The following ZNF385B variants were observed in gnomAD, a reference collection of about 807,000 sequenced individuals.
The protein encoded by ZNF385B is zinc finger protein 385B, also known as zinc finger protein 533.
In ZNF385B, 23 loss-of-function variants were observed where a neutral mutation model predicts 39.2. The ratio of observed to expected loss-of-function variants is 0.59; its 90% CI spans 0.42 to 0.83. The LOEUF is 0.83. Ranked by LOEUF, ZNF385B falls within the 40% of genes least tolerant of loss-of-function variation. The pLI is 0.00. For missense variants in ZNF385B, 552 were observed against 598.9 expected (o/e 0.92, Z 0.82); for synonymous variants, 205 against 222.6 (o/e 0.92, Z 0.70).
chr2:179,846,729 G>T (rs894549565), intron 1 of ZNF385B, among the ~76,000 whole-genome samples: 6 of 152,222 alleles, frequency 3.9e-5, no homozygotes, highest in Admixed American at 6.5e-5. Context: ...ACCCCTGAAG[G>T]TTTAAAGTAG....
intron 1 of ZNF385B, among the ~76,000 whole-genome samples, chr2:179,796,052 AC>A (rs1230511387): frequency 2.6e-5 from 4 of 152,166 alleles, no homozygotes; most frequent in African/African-American, 9.7e-5. Context: ...AGAAAAATCC[AC>A]CCACAAAAAA....
chr2:179,565,070 T>C (rs1684399836), intron 3 of ZNF385B, among the ~76,000 whole-genome samples: 1 of 152,220 alleles, frequency 6.6e-6, no homozygotes, highest in Non-Finnish European at 1.5e-5. Context: ...TAGGTCCTTA[T>C]TAGCTGTTCA....
Position 179,443,397 on chromosome 2 carries a change from C to T in ZNF385B, c.1314G>A (p.Ala438=), listed in dbSNP as rs756014204. 8 of 1,611,818 alleles carry T rather than the reference C, an allele frequency of 5.0e-6. No individual in the cohort carries two copies. The highest frequency in any genetic ancestry group is 4.4e-5 in the South Asian group (4 of 90,728). Residue 438 remains alanine, a synonymous_variant, in exon 10 of 10, where the codon GCG becomes GCA. Coordinates refer to ENST00000410066, the MANE Select transcript of ZNF385B (RefSeq NM_152520.6). ...ACAGCGCTGAGGACACGGCTGCCGC[C>T]GCTGCGAGAGGTGAGGACAGGAAGG... ...APAFLSSPLA[A]AAAVSSALSL...
At chr2:179,596,252 C>T (rs938988355) in intron 3 of ZNF385B, among the ~76,000 whole-genome samples, 1 of 152,150 alleles carries the variant, frequency 6.6e-6, no homozygotes, top group Admixed American at 6.5e-5. Flanking sequence ...GCTCTCAATT[C>T]TTTCCCCTGG....
At chr2:179,470,602 C>T (rs2052646690) in intron 6 of ZNF385B, among the ~76,000 whole-genome samples, 1 of 152,136 alleles carries the variant, frequency 6.6e-6, no homozygotes, top group Non-Finnish European at 1.5e-5. Flanking sequence ...CTTCTAGCCT[C>T]TCTCTCTGTG....
intron 3 of ZNF385B, among the ~76,000 whole-genome samples, chr2:179,753,609 C>T (rs189267094): frequency 2.0e-5 from 3 of 152,246 alleles, no homozygotes; most frequent in Admixed American, 6.5e-5. Context: ...TCTTTCATTT[C>T]GTTGAGCAGT....
At chr2:179,496,477 A>G (rs1187231194) in intron 5 of ZNF385B, among the ~76,000 whole-genome samples, 1 of 152,214 alleles carries the variant, frequency 6.6e-6, no homozygotes, top group Non-Finnish European at 1.5e-5. Context: ...AGATATCAAT[A>G]TACAAGTACA....
At chr2:179,823,025 G>A (rs1232016048) in intron 1 of ZNF385B, among the ~76,000 whole-genome samples, 1 of 152,222 alleles carries the variant, frequency 6.6e-6, no homozygotes, top group Non-Finnish European at 1.5e-5. Flanking sequence ...TCTTTTCGGA[G>A]GGGAGAAAAA....
At chr2:179,699,421 T>C (rs1699005514) in intron 3 of ZNF385B, among the ~76,000 whole-genome samples, 1 of 152,244 alleles carries the variant, frequency 6.6e-6, no homozygotes, top group Non-Finnish European at 1.5e-5. Flanking sequence ...TTTAACATAG[T>C]CATTTGTTGA....
intron 6 of ZNF385B, among the ~76,000 whole-genome samples, chr2:179,451,098 T>G: frequency 1.3e-5 from 1 of 77,826 alleles, no homozygotes; most frequent in African/African-American, 5.0e-5. Context: ...TGGGGACTGT[T>G]GTGAGGTGGG....
intron 1 of ZNF385B, among the ~76,000 whole-genome samples, chr2:179,788,552 T>C (rs1252418651): frequency 1.3e-5 from 2 of 152,124 alleles, no homozygotes; most frequent in Non-Finnish European, 2.9e-5. Context: ...GAAATGAACC[T>C]GCAAACTTTG....
chr2:179,621,943 A>G (rs1690251232), intron 3 of ZNF385B, among the ~76,000 whole-genome samples: 1 of 152,164 alleles, frequency 6.6e-6, no homozygotes. Context: ...GCATCTCTGA[A>G]TCTTGCAAAA....
intron 5 of ZNF385B, among the ~76,000 whole-genome samples, chr2:179,489,686 C>T (rs137880514): frequency 1.1e-3 from 175 of 152,230 alleles, no homozygotes; most frequent in South Asian, 3.7e-3. Context: ...CTCTCAGAGA[C>T]AAAGCTACAA....
chr2:179,756,441 G>C (rs150940485), intron 3 of ZNF385B, among the ~76,000 whole-genome samples: 20,499 of 151,844 alleles, frequency 0.14, 1,851 homozygotes, highest in East Asian at 0.48. Flanking sequence ...TTTGGTGAAT[G>C]TGACAATTAT....
At chr2:179,476,656 A>G (rs1032556305) in intron 6 of ZNF385B, among the ~76,000 whole-genome samples, 13 of 152,372 alleles carry the variant, frequency 8.5e-5, no homozygotes, top group South Asian at 2.1e-4. Context: ...ACATTTAACT[A>G]CTAAGAATCT....
chr2:179,445,532 T>C lies in ZNF385B; in HGVS notation c.1140+18A>G, dbSNP rs113798889. ...GGTGACCTAAAACAATAATGTTTAC[T>C]AATTCAGGATACGTTACCTGTTTGA... On this transcript the variant is annotated intron_variant, in intron 8 of 9. Coordinates refer to ENST00000410066, the MANE Select transcript of ZNF385B (RefSeq NM_152520.6). 6.2e-7 allele frequency: 1 copy of C among 1,600,176 alleles called. No individual in the cohort carries two copies. The highest frequency in any genetic ancestry group is 8.5e-7 in the Non-Finnish European group (1 of 1,173,630).
At chr2:179,761,739 T>C (rs1296610666) in intron 3 of ZNF385B, among the ~76,000 whole-genome samples, 1 of 148,512 alleles carries the variant, frequency 6.7e-6, no homozygotes, top group African/African-American at 2.5e-5. Context: ...CCACCATGCC[T>C]GGCTAACATT....
intron 3 of ZNF385B, among the ~76,000 whole-genome samples, chr2:179,618,406 T>C (rs1380330938): frequency 1.3e-5 from 2 of 152,056 alleles, no homozygotes; most frequent in African/African-American, 4.8e-5. Context: ...TTTATTCATA[T>C]TCATAACTCC....
intron 4 of ZNF385B, among the ~76,000 whole-genome samples, chr2:179,536,114 G>T (rs1312874602): frequency 6.6e-6 from 1 of 151,914 alleles, no homozygotes; most frequent in African/African-American, 2.4e-5. Context: ...TATTTATTAG[G>T]CTTGGCTACC....
Sources: gnomAD v4.1 joint callset for allele counts (sites outside exome capture counted in the v4.1 genomes callset) on GRCh38, gnomAD v4.1.1 for gene constraint, MANE v1.5 for transcripts, NCBI Gene and HGNC (gene_info 2026-07-23, HGNC 2026-07-21) for gene names.